Variants in MRAS observed in about 807,000 individuals in gnomAD.
MRAS encodes muscle RAS oncogene homolog.
MRAS carries 4 observed loss-of-function variants against 20.9 expected under a neutral mutation model. The ratio of observed to expected loss-of-function variants is 0.19; its 90% CI spans 0.09 to 0.44. The LOEUF (loss-of-function observed/expected upper bound fraction) is 0.44, where lower values mean the gene tolerates loss of function less well. MRAS is among the 20% of genes least tolerant of loss of function. The probability of loss-of-function intolerance (pLI) is 0.99; values close to 1 mark genes in which losing one functional copy is unlikely to be tolerated. For missense variants in MRAS, 154 were observed against 277.5 expected, an observed-to-expected ratio of 0.56 and a Z score of 3.16; for synonymous variants, 98 against 102.9, an observed-to-expected ratio of 0.95 and a Z score of 0.29.
At chr3:138,356,251 A>T (rs2054331791) in intron 1 of MRAS, among the ~76,000 whole-genome samples, 2 of 152,166 alleles carry the variant, frequency 1.3e-5, no homozygotes, top group South Asian at 2.1e-4. Context: ...TAAATGTAAA[A>T]GTATTTGTGG....
intron 1 of MRAS, among the ~76,000 whole-genome samples, chr3:138,363,465 C>CAT (rs2054492444): frequency 6.6e-6 from 1 of 152,128 alleles, no homozygotes; most frequent in African/African-American, 2.4e-5. Flanking sequence ...GGGTGAGATG[C>CAT]CTCCCACTCC....
Position 138,403,845 on chromosome 3 carries a change from GAAAGAAACCCAAGGAAAGTGAGCA to G in MRAS, c.*1577_*1600del, listed in dbSNP as rs1183080474. Reference sequence around the variant, plus strand: ...CAGCAGGTGGCCTGGCCACTCTGGAGAAAGAAACCCAAGGAAAGTGAGCACCCAACTGGATGCCAAGACACCCGG... The same window carrying G: ...CAGCAGGTGGCCTGGCCACTCTGGAGCCCAACTGGATGCCAAGACACCCGG... On this transcript the variant is annotated 3_prime_UTR_variant, in exon 6 of 6. Transcript: ENST00000423968. 1.3e-5 allele frequency: 2 copies of G among 152,348 alleles called. No individual in the cohort carries two copies. Among genetic ancestry groups the G allele is most frequent in the Admixed American group, 1.3e-4 (2 of 15,292 alleles). The allele number at this position is 152,348 out of a possible 1,614,324, so 9.4% of individuals were successfully genotyped here.
intron 2 of MRAS, among the ~76,000 whole-genome samples, chr3:138,393,258 T>C (rs1253584550): frequency 6.6e-6 from 1 of 152,196 alleles, no homozygotes; most frequent in Non-Finnish European, 1.5e-5. Context: ...AGAGATGGGG[T>C]CTCACTGTGT....
At position 138,384,182 on chromosome 3, in the gene MRAS, G is replaced by A. The variant is rs183251867; in HGVS notation, c.193+11106G>A. On this transcript the variant is annotated intron_variant, in intron 2 of 5. Coordinates refer to ENST00000423968, the MANE Select transcript of MRAS (RefSeq NM_001085049.3). The stretch of plus-strand genomic sequence containing the variant: ...TTTGTAGGTAAATGAGAAGCCATTG[G>A]AGGATTTTGAGCAGAGGAAGGACAT... Among the ~76,000 whole-genome samples the A allele has an allele frequency of 1.3e-3, 203 of 152,064 alleles. 4 individuals carry two copies. The highest frequency in any genetic ancestry group is 3.5e-3 in the Middle Eastern group (1 of 286).
intron 2 of MRAS, among the ~76,000 whole-genome samples, chr3:138,394,355 G>T (rs887994567): frequency 1.3e-5 from 2 of 152,148 alleles, no homozygotes; most frequent in African/African-American, 4.8e-5. Context: ...TTTATGCCCT[G>T]GGCACCTCTT....
At chr3:138,350,971 A>G (rs940168966) in intron 1 of MRAS, among the ~76,000 whole-genome samples, 4 of 151,058 alleles carry the variant, frequency 2.6e-5, no homozygotes, top group African/African-American at 4.9e-5. Context: ...AAAAGTGACA[A>G]GTCAGTTACC....
chr3:138,370,616 G>A (rs773157257), intron 1 of MRAS, among the ~76,000 whole-genome samples: 3 of 152,110 alleles, frequency 2.0e-5, no homozygotes, highest in Non-Finnish European at 2.9e-5. Flanking sequence ...CCAGATTCCG[G>A]GGCCACAGCT....
chr3:138,348,126 C>A (rs151251728), upstream of MRAS: 2 of 152,294 alleles, frequency 1.3e-5, no homozygotes, highest in African/African-American at 4.8e-5. Flanking sequence ...AGAAAGACGT[C>A]TCAGGATTCG....
intron 1 of MRAS, among the ~76,000 whole-genome samples, chr3:138,354,584 T>C (rs1367349047): frequency 6.6e-6 from 1 of 152,188 alleles, no homozygotes; most frequent in Non-Finnish European, 1.5e-5. Context: ...TGTGTGTTTT[T>C]GGCTATGATC....
intron 2 of MRAS, among the ~76,000 whole-genome samples, chr3:138,386,939 T>C (rs1179969858): frequency 3.3e-5 from 5 of 152,216 alleles, no homozygotes; most frequent in African/African-American, 1.2e-4. Context: ...AGAAGTAGAA[T>C]TGCTGGGTCA....
chr3:138,365,955 G>A (rs1381022060), intron 1 of MRAS, among the ~76,000 whole-genome samples: 1 of 152,208 alleles, frequency 6.6e-6, no homozygotes, highest in African/African-American at 2.4e-5. Context: ...AACGGAGTGA[G>A]CTGAAAAGCA....
At chr3:138,357,613 T>C (rs1422391499) in intron 1 of MRAS, among the ~76,000 whole-genome samples, 1 of 152,258 alleles carries the variant, frequency 6.6e-6, no homozygotes, top group South Asian at 2.1e-4. Context: ...GCCCAAGTAT[T>C]GATGACAGCC....
chr3:138,399,312 A>G (rs1339164562), intron 4 of MRAS, among the ~76,000 whole-genome samples: 3 of 152,222 alleles, frequency 2.0e-5, no homozygotes, highest in Non-Finnish European at 4.4e-5. Context: ...ACAGCCCATA[A>G]TGAAGAGCAG....
rs1458310905 is a variant in MRAS at position 138,404,072 on chromosome 3, A to G, written c.*1803A>G. 6.6e-6 allele frequency: 1 copy of G among 152,250 alleles called. No individual in the cohort carries two copies. Among genetic ancestry groups the G allele is most frequent in the Admixed American group, 6.5e-5 (1 of 15,292 alleles). The allele number at this position is 152,250 out of a possible 1,614,324, so 9.4% of individuals were successfully genotyped here. On this transcript the variant is annotated 3_prime_UTR_variant, in exon 6 of 6. Transcript: ENST00000423968. ...CCTAAAAGGAAGGATAAGAGAGAAC[A>G]TTCCAGGTGAGGCACTTCAAAGTTT... is the stretch of plus-strand genomic sequence containing the variant.
intron 1 of MRAS, among the ~76,000 whole-genome samples, chr3:138,356,064 G>A (rs2054325249): frequency 6.6e-6 from 1 of 152,234 alleles, no homozygotes. Flanking sequence ...TGCAATGGAA[G>A]CCGTACCAGT....
chr3:138,387,512 G>A (rs1465916768), intron 2 of MRAS, among the ~76,000 whole-genome samples: 1 of 152,204 alleles, frequency 6.6e-6, no homozygotes, highest in African/African-American at 2.4e-5. Context: ...CTGCTCATTA[G>A]CCATATGAAC....
chr3:138,378,833 T>G (rs1230704248), intron 2 of MRAS, among the ~76,000 whole-genome samples: 1 of 152,206 alleles, frequency 6.6e-6, no homozygotes, highest in Non-Finnish European at 1.5e-5. Context: ...CCTTTTCACC[T>G]TCCTCAACTG....
At chr3:138,380,666 G>GT (rs755956453) in intron 2 of MRAS, among the ~76,000 whole-genome samples, 3 of 152,004 alleles carry the variant, frequency 2.0e-5, no homozygotes, top group Non-Finnish European at 4.4e-5. Flanking sequence ...TGAGTGCTAT[G>GT]ATAAGTGGAA....
At chr3:138,347,659 C>G (rs1226145271), upstream of MRAS, 3 of 152,162 alleles carry the variant, frequency 2.0e-5, no homozygotes, top group African/African-American at 7.2e-5. Context: ...GTAGCGCAAT[C>G]TCGGCTCACT....
Sources: allele counts gnomAD v4.1 joint callset (sites outside exome capture counted in the v4.1 genomes callset), GRCh38; gene constraint gnomAD v4.1.1; transcripts MANE v1.5; gene names NCBI Gene and HGNC (gene_info 2026-07-23, HGNC 2026-07-21).